Variants in VAV3 observed in about 807,000 individuals in gnomAD.
VAV3 encodes the protein vav guanine nucleotide exchange factor 3.
A neutral mutation model predicts 131.2 loss-of-function variants in VAV3; 94 were observed. The observed-to-expected ratio is 0.72, with a 90% confidence interval of 0.61 to 0.85. The LOEUF (loss-of-function observed/expected upper bound fraction) is 0.85, where lower values mean the gene tolerates loss of function less well. Among genes scored for constraint, VAV3 ranks in the 40% least tolerant of loss-of-function variants. VAV3 has a pLI of 0.00. For synonymous variants in VAV3, 349 were observed against 342.0 expected (o/e 1.02, Z -0.22); for missense variants, 939 against 1,002.7 (o/e 0.94, Z 0.86).
At chr1:107,669,984 C>T in intron 19 of VAV3, among the ~76,000 whole-genome samples, 1 of 152,282 alleles carries the variant, frequency 6.6e-6, no homozygotes, top group South Asian at 2.1e-4. Flanking sequence ...AATTATATGA[C>T]ATGATTTTGT....
At chr1:107,892,504 T>C (rs1164730510) in intron 1 of VAV3, among the ~76,000 whole-genome samples, 1 of 152,196 alleles carries the variant, frequency 6.6e-6, no homozygotes, top group Non-Finnish European at 1.5e-5. Flanking sequence ...AAATTTCCTT[T>C]TCTGATTTTT....
intron 2 of VAV3, among the ~76,000 whole-genome samples, chr1:107,786,543 G>A (rs1020804758): frequency 6.6e-6 from 1 of 152,144 alleles, no homozygotes; most frequent in African/African-American, 2.4e-5. Context: ...ACAGATATAT[G>A]CACATAGAAG....
chr1:107,649,718 G>C (rs1026154229), intron 19 of VAV3, among the ~76,000 whole-genome samples: 3 of 151,990 alleles, frequency 2.0e-5, no homozygotes, highest in African/African-American at 7.2e-5. Context: ...AATGATTAAG[G>C]GCACTTTGCA....
At position 107,779,503 on chromosome 1, in the gene VAV3, A is replaced by G. The variant is rs1211208844; in HGVS notation, c.322-11T>C. ...TAATGTTTCTATAACCTGAGAAAAG[A>G]GGAAAATACTAATTAGATATGTAGT... On this transcript the variant is annotated splice_polypyrimidine_tract_variant and intron_variant, in intron 2 of 26. Coordinates refer to ENST00000370056, the MANE Select transcript of VAV3 (RefSeq NM_006113.5). 9 of 1,569,982 alleles carry G rather than the reference A, an allele frequency of 5.7e-6. No individual in the cohort carries two copies. The highest frequency in any genetic ancestry group is 1.2e-5 in the South Asian group (1 of 82,168).
Position 107,603,940 on chromosome 1 carries a change from T to C in VAV3, c.2016-777A>G, listed in dbSNP as rs187502070. Reference sequence around the variant, plus strand: ...GTGCCTCAGCCTCCCAAGTAGTTGATACCACCGGTGTGGTTGATATTTTTC... The same window carrying C: ...GTGCCTCAGCCTCCCAAGTAGTTGACACCACCGGTGTGGTTGATATTTTTC... On this transcript the variant is annotated intron_variant, in intron 22 of 26. Transcript: ENST00000370056. Among the ~76,000 whole-genome samples, 15 of 152,096 alleles carry C rather than the reference T, an allele frequency of 9.9e-5. No individual in the cohort carries two copies. The East Asian group carries it at 2.5e-3, about 26-fold the overall frequency.
intron 2 of VAV3, among the ~76,000 whole-genome samples, chr1:107,861,806 T>A (rs556926402): frequency 6.6e-6 from 1 of 151,732 alleles, no homozygotes; most frequent in African/African-American, 2.4e-5. Context: ...GCAGCATCCT[T>A]CATTTCCTCT....
intron 6 of VAV3, 21 bp downstream of exon 6, chr1:107,770,615 A>C: frequency 2.0e-6 from 3 of 1,530,734 alleles, no homozygotes; most frequent in Non-Finnish European, 2.7e-6. Flanking sequence ...TGGGCATCAA[A>C]AATAATACCT....
At chr1:107,911,510 C>A (rs1194646459) in intron 1 of VAV3, among the ~76,000 whole-genome samples, 3 of 152,044 alleles carry the variant, frequency 2.0e-5, no homozygotes, top group African/African-American at 7.2e-5. Context: ...TTAACCCACT[C>A]TGAAAATGAT....
At chr1:107,688,674 C>A in intron 17 of VAV3, 1 of 776,844 alleles carries the variant, frequency 1.3e-6, no homozygotes, top group Non-Finnish European at 1.9e-6. Context: ...TAAGCAATGT[C>A]AGTCCTACCA....
chr1:107,881,357 C>T (rs139214910), intron 1 of VAV3, among the ~76,000 whole-genome samples: 57 of 152,310 alleles, frequency 3.7e-4, no homozygotes, highest in Admixed American at 3.3e-3. Context: ...AGAATTATAA[C>T]TGTACCTCTC....
At chr1:107,812,110 T>C (rs1667340949) in intron 2 of VAV3, among the ~76,000 whole-genome samples, 1 of 152,158 alleles carries the variant, frequency 6.6e-6, no homozygotes, top group Non-Finnish European at 1.5e-5. Flanking sequence ...GTTTAAATAA[T>C]ATCATTAACA....
At chr1:107,673,293 A>G (rs1283631063) in intron 19 of VAV3, among the ~76,000 whole-genome samples, 1 of 152,154 alleles carries the variant, frequency 6.6e-6, no homozygotes, top group Non-Finnish European at 1.5e-5. Flanking sequence ...TCATCAGAAT[A>G]AAGTCCAATT....
intron 26 of VAV3, among the ~76,000 whole-genome samples, 181 bp downstream of exon 26, chr1:107,573,866 A>G (rs1372770936): frequency 6.6e-6 from 1 of 152,204 alleles, no homozygotes; most frequent in Admixed American, 6.5e-5. Flanking sequence ...TATTCATTTC[A>G]AATATTTTCA....
intron 1 of VAV3, among the ~76,000 whole-genome samples, chr1:107,964,085 T>C (rs781725501): frequency 2.0e-5 from 3 of 152,218 alleles, no homozygotes; most frequent in Non-Finnish European, 1.5e-5. Flanking sequence ...AAACGGGAGC[T>C]TGCCGGCTGG....
At chr1:107,779,403 G>GT in intron 3 of VAV3, 31 bp downstream of exon 3, 1 of 1,558,228 alleles carries the variant, frequency 6.4e-7, no homozygotes, top group Non-Finnish European at 8.7e-7. Context: ...TGAACTCAAT[G>GT]GGACACATGA....
chr1:107,742,759 A>G lies in VAV3; in HGVS notation c.1502+6209T>C, dbSNP rs575376514. Among the ~76,000 whole-genome samples, 4 of 152,336 alleles carry G rather than the reference A, an allele frequency of 2.6e-5. No homozygotes were observed. The East Asian group carries it at 5.8e-4, about 22-fold the overall frequency. On this transcript the variant is annotated intron_variant, in intron 15 of 26. Transcript: ENST00000370056. Reference sequence around the variant, plus strand: ...TATTCTTTAGGAGAAAAGAGAAGTAAAACTGAAACGACCTCAGATTCTAAC... The same window carrying G: ...TATTCTTTAGGAGAAAAGAGAAGTAGAACTGAAACGACCTCAGATTCTAAC...
intron 25 of VAV3, among the ~76,000 whole-genome samples, chr1:107,577,626 CT>C (rs1649749950): frequency 6.6e-6 from 1 of 152,286 alleles, no homozygotes; most frequent in Non-Finnish European, 1.5e-5. Flanking sequence ...CTTTGCCTTT[CT>C]TTTTGGCTCT....
intron 19 of VAV3, among the ~76,000 whole-genome samples, chr1:107,666,572 CTT>C (rs561256376): frequency 9.2e-4 from 127 of 138,250 alleles, no homozygotes; most frequent in Middle Eastern, 3.7e-3. Flanking sequence ...TCATTTGAGA[CTT>C]TTTTTTTTTT....
chr1:107,933,607 G>A (rs1344041301), intron 1 of VAV3, among the ~76,000 whole-genome samples: 1 of 151,842 alleles, frequency 6.6e-6, no homozygotes, highest in Admixed American at 6.6e-5. Flanking sequence ...GAGCCCAGGA[G>A]TTAAGAGACC....
Sources: allele counts gnomAD v4.1 joint callset (sites outside exome capture counted in the v4.1 genomes callset), GRCh38; gene constraint gnomAD v4.1.1; transcripts MANE v1.5; gene names NCBI Gene and HGNC (gene_info 2026-07-23, HGNC 2026-07-21).